Variants in ZFAND3 observed in about 807,000 individuals in gnomAD.
The protein encoded by ZFAND3 is zinc finger AN1-type containing 3.
A neutral mutation model predicts 29.6 loss-of-function variants in ZFAND3; 10 were observed. The ratio of observed to expected loss-of-function variants is 0.34; its 90% CI spans 0.21 to 0.57. ZFAND3 has a LOEUF of 0.57. ZFAND3 is among the 20% of genes least tolerant of loss of function. The pLI, the probability that ZFAND3 is intolerant of heterozygous loss-of-function variation, is 0.86. For synonymous variants in ZFAND3, 128 were observed against 112.6 expected, an observed-to-expected ratio of 1.14 and a Z score of -0.87; for missense variants, 230 against 304.5, an observed-to-expected ratio of 0.76 and a Z score of 1.82.
chr6:38,109,239 A>G (rs904228979), intron 4 of ZFAND3, among the ~76,000 whole-genome samples: 7 of 148,306 alleles, frequency 4.7e-5, no homozygotes, highest in African/African-American at 1.0e-4. Context: ...CTGGAGTGCA[A>G]TGGCGCGATC....
chr6:38,101,773 A>C (rs1765098152), intron 4 of ZFAND3, among the ~76,000 whole-genome samples: 1 of 57,524 alleles, frequency 1.7e-5, no homozygotes, highest in Non-Finnish European at 3.6e-5. Context: ...ACTCCCTCTC[A>C]AAAAAAAAAA....
chr6:38,117,661 A>C (rs1765447820), intron 5 of ZFAND3, among the ~76,000 whole-genome samples: 1 of 152,112 alleles, frequency 6.6e-6, no homozygotes, highest in Non-Finnish European at 1.5e-5. Flanking sequence ...TGAGAATCCT[A>C]TTTCTTTCTT....
chr6:37,831,840 G>C (rs910992510), intron 1 of ZFAND3, among the ~76,000 whole-genome samples: 1 of 152,176 alleles, frequency 6.6e-6, no homozygotes, highest in Non-Finnish European at 1.5e-5. Context: ...GGGGAGATGA[G>C]CAGGGGCCAG....
At chr6:38,095,583 T>C (rs1274198013) in intron 4 of ZFAND3, among the ~76,000 whole-genome samples, 3 of 152,216 alleles carry the variant, frequency 2.0e-5, no homozygotes, top group Admixed American at 1.3e-4. Context: ...CATCCTAGAA[T>C]TTCCTTTCAC....
intron 1 of ZFAND3, among the ~76,000 whole-genome samples, chr6:37,879,531 A>G (rs1764853932): frequency 6.6e-6 from 1 of 152,182 alleles, no homozygotes; most frequent in Non-Finnish European, 1.5e-5. Context: ...ACAAATATAT[A>G]GGTATATCTG....
chr6:38,030,242 G>T (rs1340553493), intron 2 of ZFAND3, among the ~76,000 whole-genome samples: 1 of 149,326 alleles, frequency 6.7e-6, no homozygotes, highest in Non-Finnish European at 1.5e-5. Context: ...GCCCAGGCTG[G>T]TCTCACACTC....
At chr6:37,873,377 A>G (rs1398547391) in intron 1 of ZFAND3, among the ~76,000 whole-genome samples, 1 of 152,250 alleles carries the variant, frequency 6.6e-6, no homozygotes, top group East Asian at 1.9e-4. Context: ...GTATTTTTAT[A>G]ATAGAAGGTA....
At chr6:37,843,482 G>A (rs1421144118) in intron 1 of ZFAND3, among the ~76,000 whole-genome samples, 8 of 148,854 alleles carry the variant, frequency 5.4e-5, no homozygotes, top group Admixed American at 1.3e-4. Context: ...GTGAGACTCC[G>A]TCTCAAAAAA....
At chr6:37,864,770 C>T (rs3047058) in intron 1 of ZFAND3, among the ~76,000 whole-genome samples, 4,519 of 132,668 alleles carry the variant, frequency 0.034, 176 homozygotes, top group African/African-American at 0.089. Flanking sequence ...CACACACACA[C>T]ATGCACACAT....
chr6:37,862,672 C>G (rs1764514317), intron 1 of ZFAND3, among the ~76,000 whole-genome samples: 1 of 151,722 alleles, frequency 6.6e-6, no homozygotes, highest in African/African-American at 2.4e-5. Context: ...CCACAACACT[C>G]CAGCCTGGGT....
intron 2 of ZFAND3, among the ~76,000 whole-genome samples, chr6:37,971,883 C>G (rs923272726): frequency 6.6e-6 from 1 of 150,876 alleles, no homozygotes; most frequent in Non-Finnish European, 1.5e-5. Flanking sequence ...TGCCTGTAGT[C>G]CCTCTACTTG....
intron 2 of ZFAND3, among the ~76,000 whole-genome samples, chr6:37,985,071 A>C (rs1762643197): frequency 6.6e-6 from 1 of 152,184 alleles, no homozygotes; most frequent in Non-Finnish European, 1.5e-5. Flanking sequence ...TAGTTTATTA[A>C]ATAAAGATCT....
intron 1 of ZFAND3, among the ~76,000 whole-genome samples, chr6:37,887,966 T>C (rs867315228): frequency 1.6e-4 from 24 of 152,226 alleles, no homozygotes; most frequent in Admixed American, 1.3e-3. Flanking sequence ...TTCTCATCTA[T>C]CCGTCATTCT....
At chr6:38,037,567 A>G (rs1267424473) in intron 2 of ZFAND3, among the ~76,000 whole-genome samples, 1 of 152,254 alleles carries the variant, frequency 6.6e-6, no homozygotes, top group Non-Finnish European at 1.5e-5. Context: ...GAAAAGCATC[A>G]GCTAACAGGT....
intron 2 of ZFAND3, among the ~76,000 whole-genome samples, chr6:37,966,187 C>G (rs771273164): frequency 2.6e-4 from 40 of 152,166 alleles, no homozygotes; most frequent in Non-Finnish European, 4.1e-4. Context: ...AAGACAGTGA[C>G]AGACCATGAT....
chr6:37,962,947 C>T (rs752959948), intron 2 of ZFAND3, among the ~76,000 whole-genome samples: 5 of 151,028 alleles, frequency 3.3e-5, no homozygotes, highest in Non-Finnish European at 7.4e-5. Flanking sequence ...CAAACAACTC[C>T]GGACGCACCA....
At chr6:37,992,837 G>A (rs1762783706) in intron 2 of ZFAND3, among the ~76,000 whole-genome samples, 2 of 151,880 alleles carry the variant, frequency 1.3e-5, no homozygotes, top group African/African-American at 4.8e-5. Context: ...TGTTTTTCCT[G>A]TCATTTTTTT....
At chr6:38,147,847 C>T (rs1319219189) in intron 5 of ZFAND3, among the ~76,000 whole-genome samples, 2 of 151,850 alleles carry the variant, frequency 1.3e-5, no homozygotes, top group African/African-American at 2.4e-5. Flanking sequence ...ACCTTATGTA[C>T]TCTGGATATA....
chr6:38,046,198 T>C (rs1243639977), intron 2 of ZFAND3, among the ~76,000 whole-genome samples: 1 of 152,168 alleles, frequency 6.6e-6, no homozygotes, highest in Non-Finnish European at 1.5e-5. Flanking sequence ...GAAAAAAAAT[T>C]ATAAAGGATT....
Sources: allele counts gnomAD v4.1 joint callset (sites outside exome capture counted in the v4.1 genomes callset), GRCh38; gene constraint gnomAD v4.1.1; transcripts MANE v1.5; gene names NCBI Gene and HGNC (gene_info 2026-07-23, HGNC 2026-07-21).